The following PGP variants were observed in gnomAD, a reference collection of about 807,000 sequenced individuals.
The protein encoded by PGP is aspartate-based ubiquitous Mg(2+)-dependent phosphatase.
A neutral mutation model predicts 19.3 loss-of-function variants in PGP; 9 were observed. The ratio of observed to expected loss-of-function variants is 0.47; its 90% CI spans 0.28 to 0.81. The LOEUF is 0.81. PGP is among the 40% of genes least tolerant of loss of function. PGP has a pLI of 0.11. For synonymous variants in PGP, 308 were observed against 226.8 expected (o/e 1.36, Z -3.22); for missense variants, 403 against 479.9 (o/e 0.84, Z 1.50).
rs1329783491 is a variant in PGP, at chr16:2,213,795, T to C, written c.899A>G (p.Lys300Arg). Residue 300 changes from lysine to arginine, a missense_variant, in exon 2 of 2, where the codon AAG becomes AGG. Coordinates refer to ENST00000333503, the MANE Select transcript of PGP (RefSeq NM_001042371.3). ...ATAGAAGTCAGGGACCATTTTCTTC[T>C]TAGACACGCAGTCACTTTCCTGATT... ...KNNQESDCVS[K>R]KKMVPDFYVD... The C allele has an allele frequency of 6.2e-7, 1 of 1,600,520 alleles. No homozygotes were observed. The highest frequency in any genetic ancestry group is 8.5e-7 in the Non-Finnish European group (1 of 1,169,774).
In PGP at chr16:2,213,018, G is replaced by A; in HGVS notation, c.*710C>T. 1 of 985,546 alleles carries A rather than the reference G, an allele frequency of 1.0e-6. No individual in the cohort carries two copies. The highest frequency in any genetic ancestry group is 1.2e-6 in the Non-Finnish European group (1 of 829,970). 61.1% of individuals were successfully genotyped at this position (985,546 alleles called of 1,614,324 possible). A position where few individuals can be genotyped will look rare whatever the true frequency, so the allele number is the denominator to read the frequency against. ...TAGCTGCTCCGTCCAAATCACCTGG[G>A]TATAAATGCACACTTGAGACAGCAG... On this transcript the variant is annotated 3_prime_UTR_variant, in exon 2 of 2. Coordinates refer to ENST00000333503, the MANE Select transcript of PGP (RefSeq NM_001042371.3).
At position 2,213,524 on chromosome 16, in the gene PGP, G is replaced by A. The variant is rs1040700853; in HGVS notation, c.*204C>T. The A allele has an allele frequency of 8.9e-6, 6 of 676,570 alleles. No individual in the cohort carries two copies. Among genetic ancestry groups the A allele is most frequent in the Non-Finnish European group, 1.3e-5 (6 of 453,964 alleles). The allele number at this position is 676,570 out of a possible 1,614,324, so 41.9% of individuals were successfully genotyped here. A position where few individuals can be genotyped will look rare whatever the true frequency, so the allele number is the denominator to read the frequency against. ...CCCACAACGCCTTCCAAGCCTAAAA[G>A]TGCATCTTCGATTACAAGCATCTGT... On this transcript the variant is annotated 3_prime_UTR_variant, in exon 2 of 2. Transcript: ENST00000333503.
In PGP at chr16:2,213,536, T is replaced by G; in HGVS notation, c.*192A>C. 4.4e-6 allele frequency: 3 copies of G among 683,088 alleles called. No individual in the cohort carries two copies. Among genetic ancestry groups the G allele is most frequent in the South Asian group, 6.0e-5 (2 of 33,510 alleles). The allele number at this position is 683,088 out of a possible 1,614,324, so 42.3% of individuals were successfully genotyped here. A position where few individuals can be genotyped will look rare whatever the true frequency, so the allele number is the denominator to read the frequency against. On this transcript the variant is annotated 3_prime_UTR_variant, in exon 2 of 2. Transcript: ENST00000333503. ...TCCAAGCCTAAAAGTGCATCTTCGATTACAAGCATCTGTAAACAAAATCGT... is the reference window on the plus strand; with the variant it reads ...TCCAAGCCTAAAAGTGCATCTTCGAGTACAAGCATCTGTAAACAAAATCGT...
At position 2,213,439 on chromosome 16, in the gene PGP, T is replaced by A; in HGVS notation, c.*289A>T. The A allele has an allele frequency of 1.1e-6, 1 of 888,732 alleles. No individual in the cohort carries two copies. The highest frequency in any genetic ancestry group is 1.4e-6 in the Non-Finnish European group (1 of 703,916). The allele number at this position is 888,732 out of a possible 1,614,324, so 55.1% of individuals were successfully genotyped here. A position where few individuals can be genotyped will look rare whatever the true frequency, so the allele number is the denominator to read the frequency against. ...GTCCCATCGGCAGGCCCTGGTTACC[T>A]GAATCCCGGACAGGTGCAGAGCCTG... On this transcript the variant is annotated 3_prime_UTR_variant, in exon 2 of 2. Coordinates refer to ENST00000333503, the MANE Select transcript of PGP (RefSeq NM_001042371.3).
rs1243224262 is a variant in PGP, at chr16:2,213,827, C to T, written c.867G>A (p.Val289=). 1.2e-6 allele frequency: 2 copies of T among 1,608,394 alleles called. No individual in the cohort carries two copies. Among genetic ancestry groups the T allele is most frequent in the Non-Finnish European group, 1.7e-6 (2 of 1,175,490 alleles). Residue 289 remains valine (V), a synonymous_variant, in exon 2 of 2, where the codon GTG becomes GTA. Coordinates refer to ENST00000333503, the MANE Select transcript of PGP (RefSeq NM_001042371.3). ...CGCAGTCACTTTCCTGATTATTCTT[C>T]ACATCCCCTAGAGTGGAGACTCCGG... ...TLTGVSTLGD[V]KNNQESDCVS...
Position 2,213,078 on chromosome 16 carries a change from G to A in PGP, c.*650C>T, listed in dbSNP as rs1039820911. 4.1e-6 allele frequency: 4 copies of A among 985,508 alleles called. No individual in the cohort carries two copies. Among genetic ancestry groups the A allele is most frequent in the Non-Finnish European group, 4.8e-6 (4 of 829,944 alleles). 61.0% of individuals were successfully genotyped at this position (985,508 alleles called of 1,614,324 possible). ...TGGGCTGCGTTTACAGAACTGGGCAGCAGCCCTGGGTATCTGAAACGGAAC... is the reference window on the plus strand; with the variant it reads ...TGGGCTGCGTTTACAGAACTGGGCAACAGCCCTGGGTATCTGAAACGGAAC... On this transcript the variant is annotated 3_prime_UTR_variant, in exon 2 of 2. Transcript: ENST00000333503.
Position 2,214,099 on chromosome 16 carries a change from C to T in PGP, c.640+39G>A. 1 of 1,184,598 alleles carries T rather than the reference C, an allele frequency of 8.4e-7. No individual in the cohort carries two copies. The highest frequency in any genetic ancestry group is 1.1e-6 in the Non-Finnish European group (1 of 879,418). The allele number at this position is 1,184,598 out of a possible 1,614,324, so 73.4% of individuals were successfully genotyped here. ...GGTCAAAGGGCAGGGAGGGGGCCCG[C>T]CGCCCGCCCCCCAGCCTCCCGCCCC... is the stretch of plus-strand genomic sequence containing the variant. On this transcript the variant is annotated intron_variant, in intron 1 of 1. Coordinates refer to ENST00000333503, the MANE Select transcript of PGP (RefSeq NM_001042371.3). This position sits in a 1 kb window ranked among gnomAD's most constrained non-coding sequence, Gnocchi z 7.1.
rs930612102 is a variant in PGP at position 2,212,741 on chromosome 16, G to T, written c.*987C>A. ...TCCTTGGCCAACACATGCTTGAGCCGCGCTGCTGGCTGCAGGGCACCTGGA... is the reference window on the plus strand; with the variant it reads ...TCCTTGGCCAACACATGCTTGAGCCTCGCTGCTGGCTGCAGGGCACCTGGA... On this transcript the variant is annotated 3_prime_UTR_variant, in exon 2 of 2. Coordinates refer to ENST00000333503, the MANE Select transcript of PGP (RefSeq NM_001042371.3). 21 of 985,286 alleles carry T rather than the reference G, an allele frequency of 2.1e-5. No homozygotes were observed. The highest frequency in any genetic ancestry group is 6.1e-5 in the Admixed American group (1 of 16,268). The allele number at this position is 985,286 out of a possible 1,614,324, so 61.0% of individuals were successfully genotyped here. A position where few individuals can be genotyped will look rare whatever the true frequency, so the allele number is the denominator to read the frequency against.
rs1397073248 is a variant in PGP, at chr16:2,213,669, T to C, written c.*59A>G. Reference sequence around the variant, plus strand: ...AGATGCTTAAGCCCCACCTATTAATTTGGGTAACTGGTTTTCAATTTCTTT... The same window carrying C: ...AGATGCTTAAGCCCCACCTATTAATCTGGGTAACTGGTTTTCAATTTCTTT... On this transcript the variant is annotated 3_prime_UTR_variant, in exon 2 of 2. Coordinates refer to ENST00000333503, the MANE Select transcript of PGP (RefSeq NM_001042371.3). 4.2e-6 allele frequency: 6 copies of C among 1,441,292 alleles called. No homozygotes were observed. Among genetic ancestry groups the C allele is most frequent in the East Asian group, 2.4e-5 (1 of 41,326 alleles). The allele number at this position is 1,441,292 out of a possible 1,614,324, so 89.3% of individuals were successfully genotyped here.
In PGP at chr16:2,214,074, G is replaced by A; in HGVS notation, c.641-21C>T. ...GGTACCTGCGGGGCACAGGGGACCG[G>A]GTCAAAGGGCAGGGAGGGGGCCCGC... On this transcript the variant is annotated intron_variant, in intron 1 of 1. Transcript: ENST00000333503. The surrounding 1 kb of genome is among the most constrained non-coding windows in gnomAD (Gnocchi z 7.1). 1.3e-6 allele frequency: 2 copies of A among 1,598,350 alleles called. No individual in the cohort carries two copies.
At position 2,211,894 on chromosome 16, in the gene PGP, A is replaced by T; in HGVS notation, c.*1834T>A. 1 of 985,368 alleles carries T rather than the reference A, an allele frequency of 1.0e-6. No homozygotes were observed. The allele number at this position is 985,368 out of a possible 1,614,324, so 61.0% of individuals were successfully genotyped here. On this transcript the variant is annotated 3_prime_UTR_variant, in exon 2 of 2. Coordinates refer to ENST00000333503, the MANE Select transcript of PGP (RefSeq NM_001042371.3). ...TGGGCAGTTGGCATTCCAGCTCTGGAGTTGGAACCCCAGTTACCCATCTAC... is the reference window on the plus strand; with the variant it reads ...TGGGCAGTTGGCATTCCAGCTCTGGTGTTGGAACCCCAGTTACCCATCTAC...
chr16:2,212,918 TAA>T lies in PGP; in HGVS notation c.*808_*809del, dbSNP rs2141404440. 1 of 924,642 alleles carries T rather than the reference TAA, an allele frequency of 1.1e-6. No individual in the cohort carries two copies. The highest frequency in any genetic ancestry group is 5.1e-5 in the South Asian group (1 of 19,576). The allele number at this position is 924,642 out of a possible 1,614,324, so 57.3% of individuals were successfully genotyped here. On this transcript the variant is annotated 3_prime_UTR_variant, in exon 2 of 2. Coordinates refer to ENST00000333503, the MANE Select transcript of PGP (RefSeq NM_001042371.3). ...ATTGCCTGACACAGTTGTTCAAAGTTAAAAACTGGTAGCAGCACTGCTCTGAG... is the reference window on the plus strand; with the variant it reads ...ATTGCCTGACACAGTTGTTCAAAGTTAAACTGGTAGCAGCACTGCTCTGAG...
rs1483490412 is a variant in PGP, at chr16:2,212,756, G to A, written c.*972C>T. 23 of 985,366 alleles carry A rather than the reference G, an allele frequency of 2.3e-5. No individual in the cohort carries two copies. The highest frequency in any genetic ancestry group is 1.1e-4 in the East Asian group (1 of 8,802). The allele number at this position is 985,366 out of a possible 1,614,324, so 61.0% of individuals were successfully genotyped here. ...TGCTTGAGCCGCGCTGCTGGCTGCA[G>A]GGCACCTGGATGACAGGCATTCCTT... On this transcript the variant is annotated 3_prime_UTR_variant, in exon 2 of 2. Transcript: ENST00000333503.
chr16:2,212,266 G>A lies in PGP; in HGVS notation c.*1462C>T, dbSNP rs1355950158. 6 of 985,924 alleles carry A rather than the reference G, an allele frequency of 6.1e-6. No individual in the cohort carries two copies. Among genetic ancestry groups the A allele is most frequent in the African/African-American group, 1.7e-5 (1 of 57,384 alleles). The allele number at this position is 985,924 out of a possible 1,614,324, so 61.1% of individuals were successfully genotyped here. ...GCACCCTCTGAACCCGATATCCCAGGCCTGGGAGGTGCTGAAGGCTCAGGA... is the reference window on the plus strand; with the variant it reads ...GCACCCTCTGAACCCGATATCCCAGACCTGGGAGGTGCTGAAGGCTCAGGA... On this transcript the variant is annotated 3_prime_UTR_variant, in exon 2 of 2. Coordinates refer to ENST00000333503, the MANE Select transcript of PGP (RefSeq NM_001042371.3).
Position 2,214,094 on chromosome 16 carries a change from G to GGGGGCC in PGP, c.641-42_641-41insGGCCCC. 8 of 1,544,780 alleles carry GGGGGCC rather than the reference G, an allele frequency of 5.2e-6. No homozygotes were observed. The highest frequency in any genetic ancestry group is 6.9e-6 in the Non-Finnish European group (8 of 1,152,874). On this transcript the variant is annotated intron_variant, in intron 1 of 1. Transcript: ENST00000333503. This position sits in a 1 kb window ranked among gnomAD's most constrained non-coding sequence, Gnocchi z 7.1. The stretch of plus-strand genomic sequence containing the variant: ...GACCGGGTCAAAGGGCAGGGAGGGG[G>GGGGGCC]CCCGCCGCCCGCCCCCCAGCCTCCC...
Position 2,212,609 on chromosome 16 carries a change from C to T in PGP, c.*1119G>A. 6 of 985,504 alleles carry T rather than the reference C, an allele frequency of 6.1e-6. No homozygotes were observed. The highest frequency in any genetic ancestry group is 7.2e-6 in the Non-Finnish European group (6 of 829,954). 61.0% of individuals were successfully genotyped at this position (985,504 alleles called of 1,614,324 possible). On this transcript the variant is annotated 3_prime_UTR_variant, in exon 2 of 2. Coordinates refer to ENST00000333503, the MANE Select transcript of PGP (RefSeq NM_001042371.3). ...ACCAGTCTCTAACCCCTACCCCAGC[C>T]TAGGGAAGGGGAGGACAGGAAGAGA...
Position 2,214,777 on chromosome 16 carries a change from T to TCGCCGCC in PGP, c.-7_-1dup, listed in dbSNP as rs1413919637. The TCGCCGCC allele has an allele frequency of 5.9e-6, 6 of 1,018,118 alleles. No homozygotes were observed. The highest frequency in any genetic ancestry group is 7.1e-6 in the Non-Finnish European group (6 of 844,612). 63.1% of individuals were successfully genotyped at this position (1,018,118 alleles called of 1,614,324 possible). ...TCGCCACCGGCCTCCGCCGCCGCCA[T>TCGCCGCC]CGCCGCCCGCCGGCCGCCGCCGCCC... On this transcript the variant is annotated 5_prime_UTR_variant, in exon 1 of 2. Coordinates refer to ENST00000333503, the MANE Select transcript of PGP (RefSeq NM_001042371.3). This position sits in a 1 kb window ranked among gnomAD's most constrained non-coding sequence, Gnocchi z 7.1.
chr16:2,214,570 T>C lies in PGP; in HGVS notation c.208A>G (p.Ser70Gly), dbSNP rs1338817629. 1 of 1,471,518 alleles carries C rather than the reference T, an allele frequency of 6.8e-7. No homozygotes were observed. The highest frequency in any genetic ancestry group is 9.0e-7 in the Non-Finnish European group (1 of 1,115,558). The allele number at this position is 1,471,518 out of a possible 1,614,324, so 91.2% of individuals were successfully genotyped here. A position where few individuals can be genotyped will look rare whatever the true frequency, so the allele number is the denominator to read the frequency against. ...GKRLGFITNN[S>G]SKTRAAYAEK... ...GCGTAGGCAGCGCGGGTCTTGCTGC[T>C]GTTGTTGGTGATGAAGCCCAGGCGC... Residue 70 changes from serine to glycine, a missense_variant, in exon 1 of 2, where the codon AGC (serine) becomes GGC (glycine). Coordinates refer to ENST00000333503, the MANE Select transcript of PGP (RefSeq NM_001042371.3). The surrounding 1 kb of genome is among the most constrained non-coding windows in gnomAD (Gnocchi z 7.1).
rs2093383620 is a variant in PGP, at chr16:2,214,744, G to A, written c.34C>T (p.Arg12Cys). The change falls in exon 1 of 2, where the codon CGC becomes TGC. Residue 12 changes from arginine (R) to cysteine (C), a missense_variant. Coordinates refer to ENST00000333503, the MANE Select transcript of PGP (RefSeq NM_001042371.3). The surrounding 1 kb of genome is among the most constrained non-coding windows in gnomAD (Gnocchi z 7.1). Reference sequence around the variant, plus strand: ...CGCTCGGCGCTCAGCCGCACGCAGCGGGCGTCGTCGCCACCGGCCTCCGCC... The same window carrying A: ...CGCTCGGCGCTCAGCCGCACGCAGCAGGCGTCGTCGCCACCGGCCTCCGCC... ...AAAEAGGDDA[R>C]CVRLSAERAQ... 7 of 1,199,040 alleles carry A rather than the reference G, an allele frequency of 5.8e-6. No individual in the cohort carries two copies. Among genetic ancestry groups the A allele is most frequent in the South Asian group, 3.6e-5 (1 of 27,916 alleles). 74.3% of individuals were successfully genotyped at this position (1,199,040 alleles called of 1,614,324 possible). A position where few individuals can be genotyped will look rare whatever the true frequency, so the allele number is the denominator to read the frequency against.
Sources: gnomAD v4.1 joint callset for allele counts on GRCh38, gnomAD v4.1.1 for gene constraint, Gnocchi (gnomAD v3.1) non-coding constraint, MANE v1.5 for transcripts, NCBI Gene and HGNC (gene_info 2026-07-23, HGNC 2026-07-21) for gene names.